The following TFDP2 variants were observed in gnomAD, a reference collection of about 807,000 sequenced individuals.
TFDP2 encodes transcription factor Dp-2.
In TFDP2, 17 loss-of-function variants were observed where a neutral mutation model predicts 59.3. The ratio of observed to expected loss-of-function variants is 0.29; its 90% CI spans 0.20 to 0.43. The LOEUF is 0.43. Among genes scored for constraint, TFDP2 ranks in the 20% least tolerant of loss-of-function variants. The probability of loss-of-function intolerance (pLI) is 1.00; values close to 1 mark genes in which losing one functional copy is unlikely to be tolerated. For missense variants in TFDP2, 391 were observed against 528.8 expected, an observed-to-expected ratio of 0.74 and a Z score of 2.56; for synonymous variants, 180 against 194.7, an observed-to-expected ratio of 0.92 and a Z score of 0.63.
At chr3:142,056,001 T>C (rs534927154) in intron 3 of TFDP2, among the ~76,000 whole-genome samples, 1 of 120,944 alleles carries the variant, frequency 8.3e-6, no homozygotes, top group African/African-American at 3.2e-5. Flanking sequence ...TCGCCCAGGC[T>C]GGAGTGCAGT....
At chr3:142,016,000 G>A (rs1356054213) in intron 3 of TFDP2, among the ~76,000 whole-genome samples, 1 of 152,086 alleles carries the variant, frequency 6.6e-6, no homozygotes, top group Non-Finnish European at 1.5e-5. Flanking sequence ...CATGTTGGAT[G>A]ATGTTTTCAA....
intron 3 of TFDP2, among the ~76,000 whole-genome samples, chr3:142,068,547 T>C (rs1217542695): frequency 6.6e-6 from 1 of 152,112 alleles, no homozygotes; most frequent in African/African-American, 2.4e-5. Context: ...CAAGTTTGTA[T>C]GTTGTGTCAT....
intron 3 of TFDP2, among the ~76,000 whole-genome samples, chr3:142,039,400 G>GTTA (rs1432467217): frequency 6.6e-6 from 1 of 152,038 alleles, no homozygotes; most frequent in African/African-American, 2.4e-5. Context: ...TGTTGTTGTT[G>GTTA]TTTTGAGACA....
intron 9 of TFDP2, among the ~76,000 whole-genome samples, chr3:141,966,233 C>T (rs776943145): frequency 4.6e-5 from 7 of 151,762 alleles, no homozygotes; most frequent in Non-Finnish European, 8.8e-5. Context: ...AGTACAGTGG[C>T]ACGATCTCAG....
At chr3:142,109,539 G>A (rs1276446896) in intron 1 of TFDP2, among the ~76,000 whole-genome samples, 1 of 152,078 alleles carries the variant, frequency 6.6e-6, no homozygotes, top group African/African-American at 2.4e-5. Context: ...TGTTGGTCAG[G>A]CTGGTCTCAA....
At chr3:142,041,715 G>C (rs1408447914) in intron 3 of TFDP2, among the ~76,000 whole-genome samples, 5 of 152,140 alleles carry the variant, frequency 3.3e-5, no homozygotes, top group Non-Finnish European at 7.4e-5. Flanking sequence ...CATGAATCAT[G>C]CTTTTGGCGT....
intron 1 of TFDP2, among the ~76,000 whole-genome samples, chr3:142,141,855 A>G (rs1348781563): frequency 6.6e-6 from 1 of 152,152 alleles, no homozygotes; most frequent in African/African-American, 2.4e-5. Flanking sequence ...AGCATGAAAT[A>G]TGTTGCAAAA....
intron 1 of TFDP2, among the ~76,000 whole-genome samples, chr3:142,106,909 A>G (rs933814683): frequency 2.0e-5 from 3 of 152,216 alleles, no homozygotes; most frequent in African/African-American, 7.2e-5. Context: ...GCACAAAGTT[A>G]TGGATAAATT....
At chr3:142,037,956 T>C (rs1294802120) in intron 3 of TFDP2, among the ~76,000 whole-genome samples, 1 of 152,246 alleles carries the variant, frequency 6.6e-6, no homozygotes, top group Non-Finnish European at 1.5e-5. Context: ...TCTCTGATTC[T>C]TTTCTAATGA....
chr3:142,032,983 G>T (rs943048213), intron 3 of TFDP2, among the ~76,000 whole-genome samples: 22 of 152,180 alleles, frequency 1.4e-4, no homozygotes, highest in African/African-American at 1.7e-4. Context: ...ATCACCTGAG[G>T]TCAGGAGTTC....
intron 4 of TFDP2, among the ~76,000 whole-genome samples, chr3:142,005,196 C>T (rs538880424): frequency 4.2e-4 from 64 of 152,268 alleles, no homozygotes; most frequent in African/African-American, 1.4e-3. Flanking sequence ...TTCAGGCATG[C>T]GCCACAGTGC....
In TFDP2 at chr3:142,149,441, A is replaced by C. The variant is rs190051545; in HGVS notation, c.-351T>G. ...GCCCCGCGGGCCGGGCAGCTGCGGC[A>C]GCGCCGCAGCCGAGATCGCTACCGA... is the stretch of plus-strand genomic sequence containing the variant. On this transcript the variant is annotated 5_prime_UTR_variant, in exon 1 of 13. Coordinates refer to ENST00000489671, the MANE Select transcript of TFDP2 (RefSeq NM_001178139.2). The C allele has an allele frequency of 2.0e-3, 759 of 380,176 alleles. 6 individuals are homozygous for C. Among genetic ancestry groups the C allele is most frequent in the African/African-American group, 0.014 (693 of 47,888 alleles). The allele number at this position is 380,176 out of a possible 1,614,324, so 23.6% of individuals were successfully genotyped here.
At chr3:142,043,265 T>C (rs931565754) in intron 3 of TFDP2, among the ~76,000 whole-genome samples, 4 of 150,332 alleles carry the variant, frequency 2.7e-5, no homozygotes, top group Non-Finnish European at 5.9e-5. Context: ...GCCAGGATGG[T>C]CTCGATCTCC....
chr3:142,079,485 T>G (rs1319701218), intron 3 of TFDP2, among the ~76,000 whole-genome samples: 1 of 152,102 alleles, frequency 6.6e-6, no homozygotes, highest in East Asian at 1.9e-4. Flanking sequence ...TTCAAAGAGA[T>G]AATACCAGCA....
chr3:141,965,541 GAGGGGA>G (rs1281143355), intron 9 of TFDP2, among the ~76,000 whole-genome samples: 7 of 138,270 alleles, frequency 5.1e-5, no homozygotes, highest in Admixed American at 2.2e-4. Flanking sequence ...GAAGAGAAGG[GAGGGGA>G]AGGGGAAGGG....
At chr3:141,987,617 T>C (rs1369589090) in intron 6 of TFDP2, among the ~76,000 whole-genome samples, 1 of 150,374 alleles carries the variant, frequency 6.7e-6, no homozygotes, top group East Asian at 2.0e-4. Flanking sequence ...CGTGCGTGCA[T>C]GTGTGTGTGT....
intron 1 of TFDP2, among the ~76,000 whole-genome samples, chr3:142,128,202 A>G (rs945855655): frequency 1.3e-5 from 2 of 152,280 alleles, no homozygotes; most frequent in African/African-American, 4.8e-5. Context: ...CCTGTCTCAA[A>G]AAAGAAAGAA....
rs186501283 is a variant in TFDP2 at position 142,038,733 on chromosome 3, T to A, written c.83-33189A>T. ...ATATCGAGTCTTTCTATGATACATATTTTTTTTTACAAAAAAGGGGATCAC... is the reference window on the plus strand; with the variant it reads ...ATATCGAGTCTTTCTATGATACATAATTTTTTTTACAAAAAAGGGGATCAC... On this transcript the variant is annotated intron_variant, in intron 3 of 12. Transcript: ENST00000489671. Among the ~76,000 whole-genome samples the A allele has an allele frequency of 5.3e-4, 71 of 134,120 alleles. 1 individual carries two copies. The East Asian group carries it at 0.014, about 27-fold the overall frequency. The allele number at this position is 134,120 out of a possible 152,430, so 88.0% of individuals were successfully genotyped here.
chr3:142,048,373 G>A (rs575656709), intron 3 of TFDP2, among the ~76,000 whole-genome samples: 77 of 150,428 alleles, frequency 5.1e-4, no homozygotes, highest in African/African-American at 1.7e-3. Context: ...AATTTATACC[G>A]CTATACTCCA....
Sources: allele counts gnomAD v4.1 joint callset (sites outside exome capture counted in the v4.1 genomes callset), GRCh38; gene constraint gnomAD v4.1.1; transcripts MANE v1.5; gene names NCBI Gene and HGNC (gene_info 2026-07-23, HGNC 2026-07-21).